MAPRE2: variants seen among roughly 807,000 people sequenced by gnomAD.
The protein encoded by MAPRE2 is microtubule associated protein RP/EB family member 2.
Under a neutral mutation model 43.2 loss-of-function variants are expected in MAPRE2, and 13 were observed. The ratio of observed to expected loss-of-function variants is 0.30; its 90% CI spans 0.20 to 0.48. The LOEUF (loss-of-function observed/expected upper bound fraction) is 0.48. Among genes scored for constraint, MAPRE2 ranks in the 20% least tolerant of loss-of-function variants. The pLI is 0.99. For synonymous variants in MAPRE2, 135 were observed against 148.8 expected (o/e 0.91, Z 0.68); for missense variants, 161 against 400.2 (o/e 0.40, Z 5.10).
chr18:35,042,064 GT>G (rs1905396986), intron 1 of MAPRE2, among the ~76,000 whole-genome samples: 1 of 152,196 alleles, frequency 6.6e-6, no homozygotes, highest in Non-Finnish European at 1.5e-5. Context: ...GGAGAAAAAC[GT>G]TTGCGCTTAA....
chr18:35,136,846 A>G (rs537377117), intron 6 of MAPRE2, among the ~76,000 whole-genome samples: 1 of 152,376 alleles, frequency 6.6e-6, no homozygotes, highest in East Asian at 1.9e-4. Context: ...TAAGGAAACT[A>G]AAGAATGATA....
chr18:35,023,518 T>A (rs559359718), intron 2 of MAPRE2, among the ~76,000 whole-genome samples: 399 of 148,058 alleles, frequency 2.7e-3, no homozygotes, highest in Non-Finnish European at 3.6e-3. Context: ...TCGCAAAAAA[T>A]ATATATATAT....
intron 1 of MAPRE2, among the ~76,000 whole-genome samples, chr18:34,998,265 T>C (rs867294181): frequency 4.2e-4 from 64 of 151,910 alleles, no homozygotes; most frequent in African/African-American, 1.3e-3. Flanking sequence ...ACGGAGGCTA[T>C]GCTAACATTC....
chr18:35,009,968 T>A lies in MAPRE2; in HGVS notation c.-8+4415T>A, dbSNP rs1274313685. 2.0e-5 allele frequency among the ~76,000 whole-genome samples: 3 copies of A among 152,208 alleles called. No homozygotes were observed. In the East Asian group the frequency reaches 5.8e-4, roughly 29 times the overall value. On this transcript the variant is annotated intron_variant, in intron 2 of 7. Coordinates refer to the MAPRE2 transcript ENST00000413393. ...CTGCTTTAATTAGCCCTGCCTCATC[T>A]AAACCATAGAGGTAGTAAGAATTAG...
intron 1 of MAPRE2, among the ~76,000 whole-genome samples, chr18:35,045,953 T>G (rs991296391): frequency 2.0e-5 from 3 of 152,240 alleles, no homozygotes; most frequent in Non-Finnish European, 2.9e-5. Context: ...GGAATGGTCT[T>G]CCGGGTGCTC....
rs2097018474 is a variant in MAPRE2 at position 34,984,948 on chromosome 18, ATATAT to A, written c.-70+7875_-70+7879del. Among the ~76,000 whole-genome samples, 2 of 13,978 alleles carry A rather than the reference ATATAT, an allele frequency of 1.4e-4. 1 individual carries two copies. The highest frequency in any genetic ancestry group is 3.3e-4 in the African/African-American group (2 of 6,022). The allele number at this position is 13,978 out of a possible 152,430, so 9.2% of individuals were successfully genotyped here. A position where few individuals can be genotyped will look rare whatever the true frequency, so the allele number is the denominator to read the frequency against. Reference sequence around the variant, plus strand: ...TATTTTATGTTATATAATATATAAAATATATTATATATAAAATATATAATATATAA... The same window carrying A: ...TATTTTATGTTATATAATATATAAAATATATATAAAATATATAATATATAA... On this transcript the variant is annotated intron_variant, in intron 1 of 7. Coordinates refer to the MAPRE2 transcript ENST00000413393.
At position 34,978,510 on chromosome 18, in the gene MAPRE2, A is replaced by G. The variant is rs371235156; in HGVS notation, c.-70+1431A>G. 4 of 1,551,464 alleles carry G rather than the reference A, an allele frequency of 2.6e-6. No homozygotes were observed. The African/African-American group carries it at 5.5e-5, about 21-fold the overall frequency. On this transcript the variant is annotated intron_variant, in intron 1 of 7. Coordinates refer to the MAPRE2 transcript ENST00000413393. The stretch of plus-strand genomic sequence containing the variant: ...GATTTACACTTTTGCTGAATAGGAC[A>G]CTGTGGAATGAAACAGAACAGAGAT...
rs558789512 is a variant in MAPRE2 at position 35,110,617 on chromosome 18, T to C, written c.610+8458T>C. ...CTGAAGGACTTTTGTTAGGATTTCT[T>C]ATCCTGCAGGTCCAGTGGCAAAAAT... On this transcript the variant is annotated intron_variant, in intron 4 of 6. Transcript: ENST00000300249. Among the ~76,000 whole-genome samples, 17 of 152,292 alleles carry C rather than the reference T, an allele frequency of 1.1e-4. No homozygotes were observed. In the South Asian group the frequency reaches 3.5e-3, roughly 32 times the overall value.
chr18:35,079,914 A>G (rs1186620976), intron 2 of MAPRE2, among the ~76,000 whole-genome samples: 1 of 152,270 alleles, frequency 6.6e-6, no homozygotes, highest in Non-Finnish European at 1.5e-5. Context: ...TTGTGCATGT[A>G]CATTGCATGT....
intron 1 of MAPRE2, among the ~76,000 whole-genome samples, chr18:34,991,784 A>T (rs910608842): frequency 6.6e-6 from 1 of 152,162 alleles, no homozygotes; most frequent in Non-Finnish European, 1.5e-5. Context: ...TTAGAGTATA[A>T]CTTGTTGAGC....
At chr18:35,047,212 C>T (rs192304719) in intron 1 of MAPRE2, among the ~76,000 whole-genome samples, 54 of 152,230 alleles carry the variant, frequency 3.5e-4, no homozygotes, top group Non-Finnish European at 6.0e-4. Context: ...TTCTTCTCTC[C>T]TGTGAGAAGT....
chr18:35,047,524 A>G (rs965), intron 1 of MAPRE2, among the ~76,000 whole-genome samples: 62,907 of 151,912 alleles, frequency 0.41, 13,643 homozygotes, highest in Middle Eastern at 0.5. Flanking sequence ...GTGGAAACCT[A>G]CAATTCACAT....
chr18:35,061,236 T>C (rs1238657350), intron 1 of MAPRE2, among the ~76,000 whole-genome samples: 12 of 152,236 alleles, frequency 7.9e-5, no homozygotes. Flanking sequence ...ACCTCAAACC[T>C]GATAAAACTC....
At chr18:35,060,794 A>G (rs1906483789) in intron 1 of MAPRE2, among the ~76,000 whole-genome samples, 1 of 152,216 alleles carries the variant, frequency 6.6e-6, no homozygotes, top group Admixed American at 6.5e-5. Flanking sequence ...AATGAATAGT[A>G]GTGGATGAGG....
chr18:35,014,018 T>A (rs1232177694), intron 2 of MAPRE2, among the ~76,000 whole-genome samples: 5 of 152,004 alleles, frequency 3.3e-5, no homozygotes, highest in African/African-American at 1.2e-4. Flanking sequence ...ACTTTCTGAT[T>A]TAAATATACC....
At chr18:35,066,607 A>G (rs1326773851) in intron 1 of MAPRE2, among the ~76,000 whole-genome samples, 1 of 152,258 alleles carries the variant, frequency 6.6e-6, no homozygotes, top group Admixed American at 6.5e-5. Context: ...CTATATGGAA[A>G]GCATACCTGT....
intron 1 of MAPRE2, among the ~76,000 whole-genome samples, chr18:34,985,237 A>T (rs2097019037): frequency 3.1e-5 from 2 of 64,424 alleles, no homozygotes; most frequent in Non-Finnish European, 5.2e-5. Context: ...ATTATATATT[A>T]TATAATATAA....
At chr18:35,110,810 A>G (rs1875872775) in intron 4 of MAPRE2, among the ~76,000 whole-genome samples, 1 of 152,180 alleles carries the variant, frequency 6.6e-6, no homozygotes, top group South Asian at 2.1e-4. Flanking sequence ...TCCAAAGATA[A>G]GAAGTGCATA....
chr18:35,054,306 T>G (rs769967664), intron 1 of MAPRE2, among the ~76,000 whole-genome samples: 1 of 152,234 alleles, frequency 6.6e-6, no homozygotes, highest in Non-Finnish European at 1.5e-5. Context: ...CAGAAATCTT[T>G]CCAGCTAAAA....
Sources: gnomAD v4.1 joint callset for allele counts (sites outside exome capture counted in the v4.1 genomes callset) on GRCh38, gnomAD v4.1.1 for gene constraint, MANE v1.5 for transcripts, NCBI Gene and HGNC (gene_info 2026-07-23, HGNC 2026-07-21) for gene names.